Variants in SOX5 observed in about 807,000 individuals in gnomAD.
SOX5 encodes transcription factor SOX-5.
A neutral mutation model predicts 92.0 loss-of-function variants in SOX5; 9 were observed. The observed-to-expected ratio is 0.10, with a 90% CI of 0.06 to 0.17. The LOEUF (loss-of-function observed/expected upper bound fraction) is 0.17, where lower values mean the gene tolerates loss of function less well. Ranked by LOEUF, SOX5 falls within the 10% of genes least tolerant of loss-of-function variation. SOX5 has a pLI of 1.00. For missense variants in SOX5, 642 were observed against 944.5 expected (o/e 0.68, Z 4.20); for synonymous variants, 344 against 336.3 (o/e 1.02, Z -0.25).
intron 4 of SOX5, among the ~76,000 whole-genome samples, chr12:24,096,595 C>G (rs1393411060): frequency 6.6e-6 from 1 of 152,176 alleles, no homozygotes; most frequent in African/African-American, 2.4e-5. Context: ...AGCACAATGT[C>G]TTCAAGGTTC....
intron 2 of SOX5, among the ~76,000 whole-genome samples, chr12:24,356,752 G>A (rs1240519748): frequency 2.0e-5 from 3 of 151,914 alleles, no homozygotes; most frequent in African/African-American, 4.8e-5. Context: ...ACAAATTGGT[G>A]TTTTCTGTAA....
chr12:24,350,732 T>C (rs1251193950), intron 2 of SOX5, among the ~76,000 whole-genome samples: 1 of 152,128 alleles, frequency 6.6e-6, no homozygotes, highest in East Asian at 1.9e-4. Context: ...TGTGTGAGCA[T>C]TAAATGACCA....
chr12:24,130,530 T>A (rs1049971709), intron 4 of SOX5, among the ~76,000 whole-genome samples: 1 of 152,142 alleles, frequency 6.6e-6, no homozygotes. Flanking sequence ...TTCATTTCAA[T>A]GAATGAAGTT....
At chr12:23,715,821 A>AC (rs1435958185) in intron 6 of SOX5, among the ~76,000 whole-genome samples, 18 of 143,048 alleles carry the variant, frequency 1.3e-4, no homozygotes, top group Non-Finnish European at 2.6e-4. Flanking sequence ...AAAAAAAAAA[A>AC]AAAAAAAAAA....
intron 3 of SOX5, among the ~76,000 whole-genome samples, chr12:23,768,079 G>A (rs1181601867): frequency 6.6e-6 from 1 of 152,088 alleles, no homozygotes; most frequent in African/African-American, 2.4e-5. Context: ...TTAAAAGAAT[G>A]ACATTTTCAA....
chr12:23,761,542 C>T (rs755286766), intron 3 of SOX5, among the ~76,000 whole-genome samples: 40 of 152,084 alleles, frequency 2.6e-4, no homozygotes, highest in Non-Finnish European at 5.1e-4. Context: ...TTTCATTTTA[C>T]AGACTAAAAA....
intron 4 of SOX5, among the ~76,000 whole-genome samples, chr12:24,139,834 GC>G (rs1278011652): frequency 9.2e-5 from 14 of 152,266 alleles, no homozygotes; most frequent in Admixed American, 2.6e-4. Context: ...GTACTGGCAA[GC>G]CCTGTGGAGC....
chr12:24,421,887 C>A (rs919783299), intron 1 of SOX5, among the ~76,000 whole-genome samples: 1 of 152,184 alleles, frequency 6.6e-6, no homozygotes, highest in Non-Finnish European at 1.5e-5. Flanking sequence ...CTCTTTCCAA[C>A]CCAGGAAACT....
chr12:24,235,656 T>C (rs903500114), intron 3 of SOX5, among the ~76,000 whole-genome samples: 11 of 152,256 alleles, frequency 7.2e-5, no homozygotes, highest in African/African-American at 2.4e-4. Flanking sequence ...TGCTTTATTA[T>C]ATGAACTTAA....
intron 3 of SOX5, among the ~76,000 whole-genome samples, chr12:24,258,239 C>T (rs141494675): frequency 2.6e-5 from 4 of 152,098 alleles, no homozygotes; most frequent in Non-Finnish European, 5.9e-5. Context: ...GGCCCATGAC[C>T]CTTAAACATT....
intron 2 of SOX5, among the ~76,000 whole-genome samples, chr12:23,856,840 T>C (rs1219426132): frequency 1.3e-5 from 2 of 151,962 alleles, no homozygotes; most frequent in Non-Finnish European, 2.9e-5. Flanking sequence ...CAAAGAAAAA[T>C]GGAAAACTTC....
At chr12:23,742,664 C>T (rs572068517) in intron 4 of SOX5, among the ~76,000 whole-genome samples, 8 of 152,250 alleles carry the variant, frequency 5.3e-5, no homozygotes, top group South Asian at 2.1e-4. Context: ...TCTTAGAATG[C>T]GCATAACCTA....
intron 1 of SOX5, among the ~76,000 whole-genome samples, chr12:23,898,182 T>C (rs1440700238): frequency 6.6e-6 from 1 of 152,214 alleles, no homozygotes; most frequent in African/African-American, 2.4e-5. Flanking sequence ...TTAAGGTCTT[T>C]GTGAAGTGAT....
At chr12:23,975,052 C>T (rs370162531) in intron 4 of SOX5, among the ~76,000 whole-genome samples, 6 of 151,868 alleles carry the variant, frequency 4.0e-5, no homozygotes, top group South Asian at 2.1e-4. Flanking sequence ...GCCTTGTTTT[C>T]GTTTTTTTCA....
chr12:24,412,606 T>C (rs1252007594), intron 1 of SOX5, among the ~76,000 whole-genome samples: 2 of 152,124 alleles, frequency 1.3e-5, no homozygotes, highest in Admixed American at 6.5e-5. Flanking sequence ...CTTTCTGTTA[T>C]TGATTTCTAA....
At chr12:24,247,488 G>T (rs141725506) in intron 3 of SOX5, among the ~76,000 whole-genome samples, 1 of 152,096 alleles carries the variant, frequency 6.6e-6, no homozygotes, top group African/African-American at 2.4e-5. Flanking sequence ...GAGAACTTGG[G>T]GCCTTTGAGG....
Position 23,788,873 on chromosome 12 carries a change from C to T in SOX5, c.482-33149G>A, listed in dbSNP as rs552832395. ...ATAGTATTGAATTTAAACAACAAAA[C>T]AGATTAAGTACCAAAAAATTATACT... On this transcript the variant is annotated intron_variant, in intron 3 of 14. Transcript: ENST00000451604. Among the ~76,000 whole-genome samples, 321 of 151,934 alleles carry T rather than the reference C, an allele frequency of 2.1e-3. 1 individual carries two copies. The highest frequency in any genetic ancestry group is 4.7e-3 in the Admixed American group (72 of 15,254).
chr12:24,255,634 A>C (rs1257417218), intron 3 of SOX5, among the ~76,000 whole-genome samples: 1 of 152,180 alleles, frequency 6.6e-6, no homozygotes, highest in Non-Finnish European at 1.5e-5. Context: ...GAATGTAATT[A>C]TCTACATTGG....
At chr12:24,522,100 A>T (rs941004256) in intron 1 of SOX5, among the ~76,000 whole-genome samples, 1 of 152,032 alleles carries the variant, frequency 6.6e-6, no homozygotes, top group Non-Finnish European at 1.5e-5. Flanking sequence ...CATTACAATG[A>T]ATGCCTCAAA....
Sources: allele counts gnomAD v4.1 joint callset (sites outside exome capture counted in the v4.1 genomes callset), GRCh38; gene constraint gnomAD v4.1.1; transcripts MANE v1.5; gene names NCBI Gene and HGNC (gene_info 2026-07-23, HGNC 2026-07-21).